The following TRMT44 variants were observed in gnomAD, a reference collection of about 807,000 sequenced individuals.
The protein encoded by TRMT44 is probable tRNA (uracil-O(2)-)-methyltransferase.
Under a neutral mutation model 77.3 loss-of-function variants are expected in TRMT44, and 78 were observed. The ratio of observed to expected loss-of-function variants is 1.01; its 90% CI spans 0.84 to 1.22. The LOEUF (loss-of-function observed/expected upper bound fraction) is 1.22. TRMT44 is among the 50% of genes most tolerant of loss of function. The pLI is 0.00. For missense variants in TRMT44, 1,090 were observed against 964.4 expected (o/e 1.13, Z -1.73); for synonymous variants, 391 against 383.3 (o/e 1.02, Z -0.23).
Position 8,468,247 on chromosome 4 carries a change from G to T in TRMT44, c.1828G>T (p.Asp610Tyr), listed in dbSNP as rs538896665. The T allele has an allele frequency of 2.5e-5, 40 of 1,614,242 alleles. No individual in the cohort carries two copies. The South Asian group carries it at 3.5e-4, about 14-fold the overall frequency. The change falls in exon 9 of 11, where the codon GAC becomes TAC. Residue 610 changes from aspartate to tyrosine, a missense_variant. Coordinates refer to ENST00000389737, the MANE Select transcript of TRMT44 (RefSeq NM_152544.3). The part of the protein sequence containing the change: ...NCAALPRDFI[D>Y]QVVLQVANLL... ...TGCCGCCCTGCCACGAGATTTTATTGACCAAGTGGTTTTGCAAGTAGCGAA... is the reference window on the plus strand; with the variant it reads ...TGCCGCCCTGCCACGAGATTTTATTTACCAAGTGGTTTTGCAAGTAGCGAA...
At chr4:8,474,814 G>T (rs529061505) in intron 10 of TRMT44, among the ~76,000 whole-genome samples, 2 of 152,186 alleles carry the variant, frequency 1.3e-5, no homozygotes, top group African/African-American at 4.8e-5. Context: ...GGGAGCGTAG[G>T]GGGGTATCTC....
intron 10 of TRMT44, among the ~76,000 whole-genome samples, chr4:8,472,858 C>A (rs1727111721): frequency 6.6e-6 from 1 of 152,240 alleles, no homozygotes. Flanking sequence ...AGTTAGAATA[C>A]TTCCCACCTC....
In TRMT44 at chr4:8,449,951, T is replaced by TTTCTTTTCTA. The variant is rs56676930; in HGVS notation, c.954+65_954+66insCTTTTCTATT. The TTTCTTTTCTA allele has an allele frequency of 5.8e-5, 16 of 274,442 alleles. No homozygotes were observed. In the African/African-American group the frequency reaches 7.1e-4, roughly 12 times the overall value. The allele number at this position is 274,442 out of a possible 1,614,324, so 17.0% of individuals were successfully genotyped here. On this transcript the variant is annotated intron_variant, in intron 3 of 10. Coordinates refer to ENST00000389737, the MANE Select transcript of TRMT44 (RefSeq NM_152544.3). The stretch of plus-strand genomic sequence containing the variant: ...ATGATTTTCTTTTCTTTTCTTTTCT[T>TTTCTTTTCTA]TTTTTTTTTTTTTTTTTTTTTTTGC...
rs34867053 is a variant in TRMT44, at chr4:8,475,955, C to T, written c.2228C>T (p.Ala743Val). Residue 743 changes from alanine (A) to valine (V), a missense_variant, in exon 11 of 11, where the codon GCG becomes GTG. Physicochemically the swap from Ala to Val is moderately conservative, Grantham distance 64. Transcript: ENST00000389737. ...TDCCPFAHGP[A>V]ELRPPRTTPR... ...TGCTGCCCGTTTGCCCATGGGCCTG[C>T]GGAGCTGCGGCCACCCCGGACCACC... is the stretch of plus-strand genomic sequence containing the variant. The T allele has an allele frequency of 4.6e-5, 75 of 1,614,106 alleles. No homozygotes were observed. The African/African-American group carries it at 8.3e-4, about 18-fold the overall frequency.
downstream of TRMT44, chr4:8,479,633 G>A (rs1010647611): frequency 5.3e-5 from 8 of 152,202 alleles, no homozygotes; most frequent in East Asian, 1.6e-3. Flanking sequence ...CAGCTGATTG[G>A]GGCCTGTGGA....
In TRMT44 at chr4:8,444,121, T is replaced by C. The variant is rs575283539; in HGVS notation, c.620-2355T>C. On this transcript the variant is annotated intron_variant, in intron 1 of 10. Transcript: ENST00000389737. This position sits in a 1 kb window ranked among gnomAD's most constrained non-coding sequence, Gnocchi z 4.0. ...TACTTAATCTGTTGAACGCCTGGTT[T>C]TCTCATCTAGAACAGAGGTTTCAGT... Among the ~76,000 whole-genome samples, 50 of 152,324 alleles carry C rather than the reference T, an allele frequency of 3.3e-4. No homozygotes were observed. Among genetic ancestry groups the C allele is most frequent in the African/African-American group, 1.1e-3 (46 of 41,576 alleles).
chr4:8,459,773 C>G (rs1403460422), intron 6 of TRMT44, among the ~76,000 whole-genome samples: 1 of 152,198 alleles, frequency 6.6e-6, no homozygotes, highest in Non-Finnish European at 1.5e-5. Context: ...GCCGGGCACT[C>G]TTAGGTGCTG....
downstream of TRMT44, chr4:8,479,315 G>A (rs1335057891): frequency 6.6e-6 from 1 of 151,882 alleles, no homozygotes; most frequent in Non-Finnish European, 1.5e-5. Flanking sequence ...TCACGAGAAA[G>A]CACAGTCATG....
chr4:8,492,056 G>A (rs149127889), intron 2 of TRMT44, among the ~76,000 whole-genome samples: 12 of 152,342 alleles, frequency 7.9e-5, no homozygotes, highest in Middle Eastern at 3.4e-3. Context: ...TCTTTGTGCA[G>A]TGGTCAGGAA....
chr4:8,480,256 G>A (rs946610042), downstream of TRMT44, among the ~76,000 whole-genome samples: 34 of 152,302 alleles, frequency 2.2e-4, no homozygotes, highest in Middle Eastern at 6.8e-3. Flanking sequence ...TTTAGAGCAG[G>A]AAAGAAAAAG....
At chr4:8,464,636 G>C (rs1726401436) in intron 7 of TRMT44, among the ~76,000 whole-genome samples, 1 of 152,180 alleles carries the variant, frequency 6.6e-6, no homozygotes, top group Non-Finnish European at 1.5e-5. Context: ...GGAGTAACTA[G>C]GTGAAAGATC....
downstream of TRMT44, chr4:8,493,653 A>G (rs144455452): frequency 6.6e-6 from 1 of 152,274 alleles, no homozygotes; most frequent in African/African-American, 2.4e-5. Context: ...TCTGGTCTTC[A>G]GTCTATGTTG....
At chr4:8,488,716 A>G (rs982228291) in intron 2 of TRMT44, among the ~76,000 whole-genome samples, 3 of 152,202 alleles carry the variant, frequency 2.0e-5, no homozygotes, top group Non-Finnish European at 4.4e-5. Context: ...GACAACCCCA[A>G]GCTCAAACAA....
chr4:8,454,679 T>TTC, intron 5 of TRMT44, 63 bp from the exon 6 acceptor site: 1 of 1,529,188 alleles, frequency 6.5e-7, no homozygotes, highest in Non-Finnish European at 9.1e-7. Flanking sequence ...CTTTAATGTG[T>TTC]TCTTGCTAAC....
rs1560217999 is a variant in TRMT44 at position 8,444,543 on chromosome 4, A to T, written c.620-1933A>T. ...CTCCCAAGCAGCTGGGATTACAGGC[A>T]TGTGCCACGACGCCCAGCTAATTTT... On this transcript the variant is annotated intron_variant, in intron 1 of 10. Transcript: ENST00000389737. This position sits in a 1 kb window ranked among gnomAD's most constrained non-coding sequence, Gnocchi z 4.0. Among the ~76,000 whole-genome samples the T allele has an allele frequency of 6.6e-6, 1 of 152,036 alleles. No homozygotes were observed. Among genetic ancestry groups the T allele is most frequent in the Non-Finnish European group, 1.5e-5 (1 of 68,014 alleles).
At chr4:8,490,569 C>T (rs138256799) in intron 2 of TRMT44, among the ~76,000 whole-genome samples, 5 of 151,446 alleles carry the variant, frequency 3.3e-5, no homozygotes, top group African/African-American at 7.3e-5. Flanking sequence ...TAAGGCGGCG[C>T]GTCTGGAGTT....
chr4:8,503,042 A>G, the TRMT44 span, among the ~76,000 whole-genome samples: 1 of 152,224 alleles, frequency 6.6e-6, no homozygotes, highest in African/African-American at 2.4e-5. Context: ...CTCACCTCCC[A>G]CATGAGAGGC....
intron 10 of TRMT44, among the ~76,000 whole-genome samples, chr4:8,475,108 G>A (rs1304398794): frequency 6.6e-6 from 1 of 152,208 alleles, no homozygotes; most frequent in Non-Finnish European, 1.5e-5. Context: ...GCTCCGGTTG[G>A]GAGGCGCATG....
At chr4:8,442,259 A>G (rs1724782114) in intron 1 of TRMT44, among the ~76,000 whole-genome samples, 1 of 152,242 alleles carries the variant, frequency 6.6e-6, no homozygotes, top group South Asian at 2.1e-4. Flanking sequence ...TTATACAGGC[A>G]TGCCATAAGC....
Sources: gnomAD v4.1 joint callset for allele counts (sites outside exome capture counted in the v4.1 genomes callset) on GRCh38, gnomAD v4.1.1 for gene constraint, Gnocchi (gnomAD v3.1) non-coding constraint, MANE v1.5 for transcripts, NCBI Gene and HGNC (gene_info 2026-07-23, HGNC 2026-07-21) for gene names.